CDCA7L: variants seen among roughly 807,000 people sequenced by gnomAD.
CDCA7L encodes cell division cycle-associated 7-like protein.
Under a neutral mutation model 57.4 loss-of-function variants are expected in CDCA7L, and 44 were observed. That is an observed-to-expected ratio of 0.77 (90% CI 0.60 to 0.98). The LOEUF is 0.98. Among genes scored for constraint, CDCA7L ranks in the 50% least tolerant of loss-of-function variants. CDCA7L has a pLI of 0.00. For synonymous variants in CDCA7L, 236 were observed against 202.8 expected (o/e 1.16, Z -1.39); for missense variants, 644 against 580.6 (o/e 1.11, Z -1.12).
At chr7:21,916,207 C>T (rs1785476020) in intron 2 of CDCA7L, among the ~76,000 whole-genome samples, 1 of 152,084 alleles carries the variant, frequency 6.6e-6, no homozygotes, top group Non-Finnish European at 1.5e-5. Flanking sequence ...GAGATTTTGG[C>T]CATTCTACTA....
intron 1 of CDCA7L, among the ~76,000 whole-genome samples, chr7:21,917,763 C>G (rs1302939331): frequency 2.0e-5 from 3 of 152,106 alleles, no homozygotes; most frequent in African/African-American, 7.2e-5. Context: ...CCATATATTC[C>G]CACACATTGA....
chr7:21,910,657 A>AG (rs1310425949), intron 3 of CDCA7L, among the ~76,000 whole-genome samples: 1 of 152,214 alleles, frequency 6.6e-6, no homozygotes, highest in African/African-American at 2.4e-5. Context: ...TTAAATCCGA[A>AG]GGCTGTGCCT....
In CDCA7L at chr7:21,902,132, T is replaced by G; in HGVS notation, c.*190A>C. ...GGTCTGTGCATACATCTATATAGAT[T>G]CCTCTGCTCTGCTGTCTTCCTGAGA... On this transcript the variant is annotated 3_prime_UTR_variant, in exon 10 of 10. Coordinates refer to ENST00000406877, the MANE Select transcript of CDCA7L (RefSeq NM_018719.5). 1 of 631,662 alleles carries G rather than the reference T, an allele frequency of 1.6e-6. No homozygotes were observed. The highest frequency in any genetic ancestry group is 2.8e-6 in the Non-Finnish European group (1 of 353,606). 39.1% of individuals were successfully genotyped at this position (631,662 alleles called of 1,614,324 possible).
chr7:21,904,294 G>T (rs752947146), intron 7 of CDCA7L, 35 bp from the exon 8 acceptor site: 1 of 1,545,042 alleles, frequency 6.5e-7, no homozygotes, highest in South Asian at 1.3e-5. Context: ...GTGAACACAG[G>T]GATATGCTGA....
intron 8 of CDCA7L, among the ~76,000 whole-genome samples, 156 bp from the exon 9 acceptor site, chr7:21,903,270 GA>G (rs1242960694): frequency 3.3e-5 from 5 of 152,164 alleles, no homozygotes; most frequent in Admixed American, 6.5e-5. Flanking sequence ...CACAAGGCAG[GA>G]AGGCTGAATC....
At chr7:21,914,118 T>C (rs1340745929) in intron 2 of CDCA7L, among the ~76,000 whole-genome samples, 1 of 152,130 alleles carries the variant, frequency 6.6e-6, no homozygotes, top group African/African-American at 2.4e-5. Flanking sequence ...ATAAACTTAT[T>C]TTGAAGTCCA....
At position 21,908,395 on chromosome 7, in the gene CDCA7L, C is replaced by G; in HGVS notation, c.416G>C (p.Ser139Thr). 6.2e-7 allele frequency: 1 copy of G among 1,608,136 alleles called. No homozygotes were observed. Among genetic ancestry groups the G allele is most frequent in the Non-Finnish European group, 8.5e-7 (1 of 1,178,506 alleles). The change falls in exon 4 of 10, where the codon AGT becomes ACT. Residue 139 changes from serine to threonine, a missense_variant. By Grantham distance (58) the Ser-to-Thr change is moderately conservative. Transcript: ENST00000406877. ...TPRRSRSRRS[S>T]IGLRVAFQFP... ...CTGAAAGGCTACTCGAAGACCAATA[C>G]TACTTCTTCTAGACCTGCTTCTTCT...
At position 21,911,006 on chromosome 7, in the gene CDCA7L, A is replaced by ATTTTTTTTTTT. The variant is rs557286550; in HGVS notation, c.303+600_303+610dup. On this transcript the variant is annotated intron_variant, in intron 3 of 9. Coordinates refer to ENST00000406877, the MANE Select transcript of CDCA7L (RefSeq NM_018719.5). ...AGAGGTTTAAGGAACTCTTGAGATA[A>ATTTTTTTTTTT]TTTTTTTTTTTTTTTTTTTTTTTTT... Among the ~76,000 whole-genome samples the ATTTTTTTTTTT allele has an allele frequency of 1.3e-4, 11 of 82,532 alleles. 2 individuals are homozygous for ATTTTTTTTTTT. Among genetic ancestry groups the ATTTTTTTTTTT allele is most frequent in the African/African-American group, 4.1e-4 (7 of 16,892 alleles). The allele number at this position is 82,532 out of a possible 152,430, so 54.1% of individuals were successfully genotyped here.
rs1784926217 is a variant in CDCA7L, at chr7:21,902,277, T to TTGGAGTACTCTA, written c.*33_*44dup. On this transcript the variant is annotated 3_prime_UTR_variant, in exon 10 of 10. Transcript: ENST00000406877. ...AGGCACCAATGGTATGCATGTCTTGTTGGAGTACTCTATGGTGAGGTGGCT... is the reference window on the plus strand; with the variant it reads ...AGGCACCAATGGTATGCATGTCTTGTTGGAGTACTCTATGGAGTACTCTATGGTGAGGTGGCT... 3 of 1,560,878 alleles carry TTGGAGTACTCTA rather than the reference T, an allele frequency of 1.9e-6. No homozygotes were observed. Among genetic ancestry groups the TTGGAGTACTCTA allele is most frequent in the Non-Finnish European group, 2.7e-6 (3 of 1,131,936 alleles).
intron 7 of CDCA7L, 88 bp from the exon 8 acceptor site, chr7:21,904,347 A>T (rs1265937257): frequency 1.6e-6 from 2 of 1,270,342 alleles, no homozygotes; most frequent in African/African-American, 3.0e-5. Flanking sequence ...TTCCAAGTAT[A>T]TGAAGAAATA....
intron 1 of CDCA7L, among the ~76,000 whole-genome samples, chr7:21,923,424 T>C (rs1169013908): frequency 6.6e-6 from 1 of 152,014 alleles, no homozygotes; most frequent in African/African-American, 2.4e-5. Context: ...GCCCATGAGT[T>C]AGAGGCTGCA....
intron 3 of CDCA7L, 64 bp from the exon 4 acceptor site, chr7:21,908,571 A>C (rs1270339155): frequency 7.2e-7 from 1 of 1,391,774 alleles, no homozygotes; most frequent in Non-Finnish European, 9.4e-7. Flanking sequence ...AAAGACATGC[A>C]TTTAAAACAA....
chr7:21,911,680 C>T lies in CDCA7L; in HGVS notation c.240G>A (p.Glu80=). The change falls in exon 3 of 10, where the codon GAG becomes GAA. Residue 80 remains glutamate (E), a synonymous_variant. Coordinates refer to ENST00000406877, the MANE Select transcript of CDCA7L (RefSeq NM_018719.5). ...GCGTAAATCCTGCAAAATCCTCAGT[C>T]TCTGAGTCAGTGTCCTCTATAAAAA... ...RRIFIEDTDS[E]TEDFAGFTQS... is the part of the protein sequence containing the mutation. 2 of 1,613,882 alleles carry T rather than the reference C, an allele frequency of 1.2e-6. No individual in the cohort carries two copies. Among genetic ancestry groups the T allele is most frequent in the Non-Finnish European group, 1.7e-6 (2 of 1,179,918 alleles).
chr7:21,933,435 T>C (rs1339803160), intron 1 of CDCA7L, among the ~76,000 whole-genome samples: 1 of 151,932 alleles, frequency 6.6e-6, no homozygotes, highest in Non-Finnish European at 1.5e-5. Flanking sequence ...ATAAAGAAAA[T>C]GTGGCACATA....
intron 1 of CDCA7L, among the ~76,000 whole-genome samples, chr7:21,941,721 T>G (rs1786345589): frequency 1.3e-5 from 2 of 152,214 alleles, no homozygotes; most frequent in African/African-American, 4.8e-5. Context: ...CAAGGGCCAA[T>G]TCCTTACAAA....
chr7:21,916,363 C>G (rs1205089173), intron 2 of CDCA7L, among the ~76,000 whole-genome samples: 1 of 152,030 alleles, frequency 6.6e-6, no homozygotes, highest in African/African-American at 2.4e-5. Context: ...CACGGGACCA[C>G]AGAGGTGTAA....
At chr7:21,925,699 G>A (rs1785803434) in intron 1 of CDCA7L, among the ~76,000 whole-genome samples, 2 of 152,076 alleles carry the variant, frequency 1.3e-5, no homozygotes, top group African/African-American at 4.8e-5. Context: ...AGACTAGCCT[G>A]GGCAATACAG....
chr7:21,930,773 A>G (rs1785984568), intron 1 of CDCA7L, among the ~76,000 whole-genome samples: 1 of 151,836 alleles, frequency 6.6e-6, no homozygotes, highest in Non-Finnish European at 1.5e-5. Context: ...AGAAGATAAG[A>G]AATAACTAAG....
chr7:21,923,852 G>T (rs1289315063), intron 1 of CDCA7L, among the ~76,000 whole-genome samples: 3 of 152,212 alleles, frequency 2.0e-5, no homozygotes, highest in Non-Finnish European at 4.4e-5. Flanking sequence ...AAACCCTGCT[G>T]AGTTGCTGCT....
Sources: allele counts gnomAD v4.1 joint callset (sites outside exome capture counted in the v4.1 genomes callset), GRCh38; gene constraint gnomAD v4.1.1; transcripts MANE v1.5; gene names NCBI Gene and HGNC (gene_info 2026-07-23, HGNC 2026-07-21).